RGS10: variants seen among roughly 807,000 people sequenced by gnomAD.
The protein encoded by RGS10 is regulator of G-protein signalling 10.
Under a neutral mutation model 23.5 loss-of-function variants are expected in RGS10, and 11 were observed. That is an observed-to-expected ratio of 0.47 (90% CI 0.29 to 0.77). RGS10 has a LOEUF of 0.77. Ranked by LOEUF, RGS10 falls within the 30% of genes least tolerant of loss-of-function variation. The probability of loss-of-function intolerance (pLI) is 0.08; values close to 1 mark genes in which losing one functional copy is unlikely to be tolerated. For missense variants in RGS10, 180 were observed against 226.3 expected (o/e 0.80, Z 1.31); for synonymous variants, 77 against 83.2 (o/e 0.92, Z 0.41).
intron 1 of RGS10, among the ~76,000 whole-genome samples, chr10:119,537,974 AAG>A (rs1310754587): frequency 6.6e-6 from 1 of 152,180 alleles, no homozygotes; most frequent in Non-Finnish European, 1.5e-5. Flanking sequence ...CAACCTCTAC[AAG>A]ATTCTGTGGA....
chr10:119,510,471 C>G (rs1168396350), intron 4 of RGS10, among the ~76,000 whole-genome samples: 1 of 152,136 alleles, frequency 6.6e-6, no homozygotes, highest in Admixed American at 6.5e-5. Context: ...AGCACAGACC[C>G]TAGCAGGCCT....
At position 119,527,247 on chromosome 10, in the gene RGS10, G is replaced by T; in HGVS notation, c.168+59C>A. 2 of 1,236,958 alleles carry T rather than the reference G, an allele frequency of 1.6e-6. No individual in the cohort carries two copies. The highest frequency in any genetic ancestry group is 1.5e-5 in the African/African-American group (1 of 67,836). The allele number at this position is 1,236,958 out of a possible 1,614,324, so 76.6% of individuals were successfully genotyped here. On this transcript the variant is annotated intron_variant, in intron 2 of 4. Transcript: ENST00000369103. This position sits in a 1 kb window ranked among gnomAD's most constrained non-coding sequence, Gnocchi z 4.2. ...TTGAACTGGCCTATTTCTCCCCTGT[G>T]TGCATCTGAACTTCTGCACACACTG...
At chr10:119,535,346 C>T (rs1483996305) in intron 1 of RGS10, among the ~76,000 whole-genome samples, 1 of 151,750 alleles carries the variant, frequency 6.6e-6, no homozygotes, top group Non-Finnish European at 1.5e-5. Context: ...ATGCGTTTTC[C>T]ATTTATGATT....
Position 119,500,020 on chromosome 10 carries a change from C to T in RGS10, c.*93G>A. 2.2e-6 allele frequency: 3 copies of T among 1,354,778 alleles called. No homozygotes were observed. The highest frequency in any genetic ancestry group is 3.0e-6 in the Non-Finnish European group (3 of 987,330). 83.9% of individuals were successfully genotyped at this position (1,354,778 alleles called of 1,614,324 possible). ...ATTGAAGGGTTTTGTACATTTCAGT[C>T]CTTACAAATAACAAAGCAATGATAA... On this transcript the variant is annotated 3_prime_UTR_variant, in exon 5 of 5. Coordinates refer to ENST00000369103, the MANE Select transcript of RGS10 (RefSeq NM_001005339.2).
chr10:119,508,463 G>A (rs1180318802), intron 4 of RGS10, among the ~76,000 whole-genome samples: 2 of 152,232 alleles, frequency 1.3e-5, no homozygotes, highest in Non-Finnish European at 2.9e-5. Context: ...CAAGCTCATG[G>A]CTGTTCCAGA....
rs186739566 is a variant in RGS10 at position 119,534,483 on chromosome 10, C to T, written c.50-7059G>A. Among the ~76,000 whole-genome samples, 104 of 148,392 alleles carry T rather than the reference C, an allele frequency of 7.0e-4. 1 individual carries two copies. Among genetic ancestry groups the T allele is most frequent in the African/African-American group, 2.1e-3 (85 of 40,462 alleles). ...GCACGTGCCTATAGTCTCAGCTACT[C>T]GGGAGGCTGAGGCAGAAGAATTGCT... On this transcript the variant is annotated intron_variant, in intron 1 of 4. Coordinates refer to ENST00000369103, the MANE Select transcript of RGS10 (RefSeq NM_001005339.2).
intron 3 of RGS10, among the ~76,000 whole-genome samples, chr10:119,523,582 C>T (rs144796212): frequency 0.036 from 5,538 of 152,226 alleles, 152 homozygotes; most frequent in East Asian, 0.095. Flanking sequence ...GGAGGATCAC[C>T]TGAACCCAGG....
At chr10:119,525,301 C>T (rs1844261670) in intron 3 of RGS10, among the ~76,000 whole-genome samples, 1 of 152,208 alleles carries the variant, frequency 6.6e-6, no homozygotes, top group South Asian at 2.1e-4. Flanking sequence ...CCCTGAACCA[C>T]CAGCTGCAGC....
At chr10:119,518,707 TCCCTC>T (rs768278477) in intron 3 of RGS10, among the ~76,000 whole-genome samples, 7 of 129,802 alleles carry the variant, frequency 5.4e-5, no homozygotes, top group Admixed American at 2.4e-4. Context: ...CCACCCCCAA[TCCCTC>T]TTTTTTTTTT....
At chr10:119,533,637 C>G (rs1844355194) in intron 1 of RGS10, among the ~76,000 whole-genome samples, 1 of 152,136 alleles carries the variant, frequency 6.6e-6, no homozygotes, top group Non-Finnish European at 1.5e-5. Flanking sequence ...ACAGATTACA[C>G]AAGAAAGCAG....
intron 1 of RGS10, among the ~76,000 whole-genome samples, chr10:119,532,576 C>T (rs1019698691): frequency 2.6e-5 from 4 of 151,974 alleles, no homozygotes; most frequent in Admixed American, 2.0e-4. Flanking sequence ...TTAGGCCAGG[C>T]GTGGCAACTC....
Position 119,518,866 on chromosome 10 carries a change from G to A in RGS10, c.256-3214C>T, listed in dbSNP as rs556988706. Among the ~76,000 whole-genome samples, 81 of 152,128 alleles carry A rather than the reference G, an allele frequency of 5.3e-4. 2 individuals carry two copies. The highest frequency in any genetic ancestry group is 1.7e-3 in the African/African-American group (69 of 41,500). On this transcript the variant is annotated intron_variant, in intron 3 of 4. Coordinates refer to ENST00000369103, the MANE Select transcript of RGS10 (RefSeq NM_001005339.2). The stretch of plus-strand genomic sequence containing the variant: ...ATTACAGGAGTCCGCCACCACGCCC[G>A]GCTAATTTTTTGTATTTTTAGTAGA...
chr10:119,535,114 G>A (rs939228470), intron 1 of RGS10, among the ~76,000 whole-genome samples: 2 of 151,988 alleles, frequency 1.3e-5, no homozygotes, highest in African/African-American at 4.8e-5. Flanking sequence ...CTGCTCCAGA[G>A]TACACGCTCT....
chr10:119,523,557 C>T (rs1223173042), intron 3 of RGS10, among the ~76,000 whole-genome samples: 6 of 152,122 alleles, frequency 3.9e-5, no homozygotes, highest in African/African-American at 9.7e-5. Flanking sequence ...CCCAGCTACT[C>T]GGGAGGCTGA....
intron 3 of RGS10, 29 bp from the exon 4 acceptor site, chr10:119,515,681 A>G: frequency 1.9e-6 from 3 of 1,612,674 alleles, no homozygotes; most frequent in Non-Finnish European, 2.5e-6. Context: ...GCCTTGTGCT[A>G]TCTGCACACA....
intron 4 of RGS10, among the ~76,000 whole-genome samples, chr10:119,514,725 C>A (rs1222586653): frequency 6.6e-6 from 1 of 151,464 alleles, no homozygotes; most frequent in African/African-American, 2.4e-5. Flanking sequence ...GTTGTCATTA[C>A]TGAGAATACC....
intron 3 of RGS10, among the ~76,000 whole-genome samples, chr10:119,521,589 GAAGGAAGGAAGGAAAGAAAGA>G (rs1454389266): frequency 4.5e-5 from 6 of 134,352 alleles, no homozygotes; most frequent in African/African-American, 1.7e-4. Context: ...AGAAAGAAAG[GAAGGAAGGAAGGAAAGAAAGA>G]AAGGAAGGAA....
chr10:119,505,995 G>A (rs1844008240), intron 4 of RGS10, among the ~76,000 whole-genome samples: 2 of 152,180 alleles, frequency 1.3e-5, no homozygotes, highest in Non-Finnish European at 2.9e-5. Context: ...TATGAAAATC[G>A]CTGAAAGAAG....
At position 119,515,508 on chromosome 10, in the gene RGS10, C is replaced by T; in HGVS notation, c.399+1G>A. ...AGGTGCAGGCAGGGAAGTCGGGTTA[C>T]CTGGTCCTGGAGTTTCTGGAACATC... On this transcript the variant is annotated splice_donor_variant, in intron 4 of 4. Coordinates refer to ENST00000369103, the MANE Select transcript of RGS10 (RefSeq NM_001005339.2). LOFTEE classifies it high-confidence loss of function. The T allele has an allele frequency of 6.2e-7, 1 of 1,614,086 alleles. No individual in the cohort carries two copies. Among genetic ancestry groups the T allele is most frequent in the Non-Finnish European group, 8.5e-7 (1 of 1,180,004 alleles).
Sources: gnomAD v4.1 joint callset for allele counts (sites outside exome capture counted in the v4.1 genomes callset) on GRCh38, gnomAD v4.1.1 for gene constraint, Gnocchi (gnomAD v3.1) non-coding constraint, MANE v1.5 for transcripts, NCBI Gene and HGNC (gene_info 2026-07-23, HGNC 2026-07-21) for gene names.